The following CRYZ variants were observed in gnomAD, a reference collection of about 807,000 sequenced individuals.
The protein encoded by CRYZ is crystallin zeta.
CRYZ carries 35 observed loss-of-function variants against 34.1 expected under a neutral mutation model. The ratio of observed to expected loss-of-function variants is 1.03; its 90% CI spans 0.78 to 1.36. CRYZ has a LOEUF of 1.36. CRYZ is among the 40% of genes most tolerant of loss of function. CRYZ has a pLI of 0.00. For missense variants in CRYZ, 403 were observed against 391.8 expected (o/e 1.03, Z -0.24); for synonymous variants, 137 against 136.5 (o/e 1.00, Z -0.03).
intron 3 of CRYZ, among the ~76,000 whole-genome samples, chr1:74,722,078 G>C (rs970748943): frequency 2.6e-5 from 4 of 152,140 alleles, no homozygotes; most frequent in South Asian, 2.1e-4. Context: ...AACAAAAAGA[G>C]TGTATGAGAT....
At chr1:74,726,942 A>C (rs768920166) in intron 1 of CRYZ, among the ~76,000 whole-genome samples, 8 of 152,142 alleles carry the variant, frequency 5.3e-5, no homozygotes, top group Non-Finnish European at 1.2e-4. Flanking sequence ...TCTTTGCTAA[A>C]ACACAACAAA....
chr1:74,718,331 C>G (rs1177924467), intron 4 of CRYZ, among the ~76,000 whole-genome samples: 1 of 152,070 alleles, frequency 6.6e-6, no homozygotes, highest in Non-Finnish European at 1.5e-5. Context: ...ATCCTCAAAT[C>G]CATCCTACAC....
chr1:74,717,698 C>T (rs1260701993), intron 4 of CRYZ, among the ~76,000 whole-genome samples: 3 of 152,200 alleles, frequency 2.0e-5, no homozygotes, highest in Non-Finnish European at 4.4e-5. Context: ...CAAGGTCACA[C>T]AACTAGTACT....
chr1:74,715,697 G>T (rs1201408100), intron 4 of CRYZ, among the ~76,000 whole-genome samples: 1 of 152,058 alleles, frequency 6.6e-6, no homozygotes, highest in Non-Finnish European at 1.5e-5. Flanking sequence ...ACCTCCCAAA[G>T]AAATTTTTCA....
chr1:74,705,669 T>C lies in CRYZ; in HGVS notation c.*627A>G, dbSNP rs1646919139. On this transcript the variant is annotated 3_prime_UTR_variant, in exon 9 of 9. Coordinates refer to ENST00000340866, the MANE Select transcript of CRYZ (RefSeq NM_001889.4). ...CGAAGTATTACCTATTTGGAGACTA[T>C]GTATTATATCAAAGATAAAGCTACT... 1 of 152,166 alleles carries C rather than the reference T, an allele frequency of 6.6e-6. No individual in the cohort carries two copies. Among genetic ancestry groups the C allele is most frequent in the African/African-American group, 2.4e-5 (1 of 41,456 alleles). The allele number at this position is 152,166 out of a possible 1,614,324, so 9.4% of individuals were successfully genotyped here.
intron 5 of CRYZ, among the ~76,000 whole-genome samples, chr1:74,712,703 T>C (rs1326729660): frequency 6.6e-6 from 1 of 152,194 alleles, no homozygotes; most frequent in Non-Finnish European, 1.5e-5. Flanking sequence ...ACAATTAATT[T>C]TCTATTTTAA....
chr1:74,708,200 A>G (rs60887187), intron 6 of CRYZ: 7,142 of 152,340 alleles, frequency 0.047, 186 homozygotes, highest in African/African-American at 0.063. Flanking sequence ...GGGAGTGGCA[A>G]GGAGAGGAAG....
chr1:74,711,328 G>A lies in CRYZ; in HGVS notation c.481-1081C>T, dbSNP rs141582673. On this transcript the variant is annotated intron_variant, in intron 5 of 8. Coordinates refer to ENST00000340866, the MANE Select transcript of CRYZ (RefSeq NM_001889.4). ...ATTACATGTGAGGCACAAAGAAAGC[G>A]GTGAGGAAAATGGGAGGAGGAAGAT... is the stretch of plus-strand genomic sequence containing the variant. 3.4e-4 allele frequency among the ~76,000 whole-genome samples: 52 copies of A among 152,278 alleles called. No homozygotes were observed. The East Asian group carries it at 5.4e-3, about 16-fold the overall frequency.
In CRYZ at chr1:74,723,151, T is replaced by A; in HGVS notation, c.231A>T (p.Ile77=). ...CAGATGCATTATCTCCAACAGCTTC[T>A]ATCACCCCAGCCACATCTGAGCCAG... ...YTPGSDVAGV[I]EAVGDNASAF... is the part of the protein sequence containing the mutation. Residue 77 remains isoleucine (I), a synonymous_variant, in exon 3 of 9, where the codon ATA becomes ATT. Transcript: ENST00000340866. The A allele has an allele frequency of 6.2e-7, 1 of 1,613,586 alleles. No individual in the cohort carries two copies. The highest frequency in any genetic ancestry group is 2.2e-5 in the East Asian group (1 of 44,878).
chr1:74,726,477 T>C (rs1269542936), intron 1 of CRYZ, among the ~76,000 whole-genome samples: 1 of 152,188 alleles, frequency 6.6e-6, no homozygotes, highest in East Asian at 1.9e-4. Flanking sequence ...GTCCCTAGGC[T>C]GCACACGGCA....
intron 1 of CRYZ, among the ~76,000 whole-genome samples, chr1:74,728,890 A>C (rs1029495600): frequency 6.6e-6 from 1 of 152,146 alleles, no homozygotes; most frequent in Non-Finnish European, 1.5e-5. Context: ...CGGCATAAAC[A>C]CTGCACTTTA....
At chr1:74,727,650 A>AG (rs1383601165) in intron 1 of CRYZ, among the ~76,000 whole-genome samples, 2 of 147,156 alleles carry the variant, frequency 1.4e-5, no homozygotes, top group African/African-American at 5.1e-5. Context: ...GTCTCAAAAA[A>AG]AAAAAAAAAA....
chr1:74,724,086 A>C (rs277401), intron 2 of CRYZ, among the ~76,000 whole-genome samples: 151,664 of 152,214 alleles, frequency 1, 75,561 homozygotes, highest in East Asian at 1. Context: ...GAAAGGAAGT[A>C]TTAAGGAAAT....
In CRYZ at chr1:74,706,304, G is replaced by A. The variant is rs1446736928; in HGVS notation, c.982C>T (p.Leu328Phe). The A allele has an allele frequency of 1.9e-6, 3 of 1,603,078 alleles. No homozygotes were observed. Among genetic ancestry groups the A allele is most frequent in the Non-Finnish European group, 2.6e-6 (3 of 1,176,220 alleles). The change falls in exon 9 of 9, where the codon CTC (leucine) becomes TTC (phenylalanine). Residue 328 changes from leucine to phenylalanine, a missense_variant. Leu to Phe is a conservative substitution (Grantham distance 22). Transcript: ENST00000340866. Reference protein sequence around the residue: ...GSGATGKMILLL With the variant: ...GSGATGKMILFL Reference sequence around the variant, plus strand: ...CATGAAAGAATTAATCATCATAAGAGAAGAATCATTTTTCCAGTAGCCCCA... The same window carrying A: ...CATGAAAGAATTAATCATCATAAGAAAAGAATCATTTTTCCAGTAGCCCCA...
chr1:74,709,624 T>C (rs1023540642), intron 6 of CRYZ, among the ~76,000 whole-genome samples: 2 of 152,200 alleles, frequency 1.3e-5, no homozygotes, highest in African/African-American at 2.4e-5. Flanking sequence ...ACTAAATAAA[T>C]GCCACCTCAC....
intron 3 of CRYZ, among the ~76,000 whole-genome samples, chr1:74,721,356 T>TC (rs1647160631): frequency 1.3e-5 from 2 of 152,090 alleles, no homozygotes; most frequent in Non-Finnish European, 2.9e-5. Context: ...AAGAATAAAC[T>TC]ACACTGTGAG....
Position 74,710,079 on chromosome 1 carries a change from A to G in CRYZ, c.630+19T>C. ...CAAGGAACAAAGTTTGACTTTTGTA[A>G]AACAGTGGAAAATTTTACCTTAATT... On this transcript the variant is annotated intron_variant, in intron 6 of 8. Transcript: ENST00000340866. 1 of 1,607,848 alleles carries G rather than the reference A, an allele frequency of 6.2e-7. No individual in the cohort carries two copies. Among genetic ancestry groups the G allele is most frequent in the Non-Finnish European group, 8.5e-7 (1 of 1,176,148 alleles).
intron 3 of CRYZ, 138 bp from the exon 4 acceptor site, chr1:74,719,510 T>G: frequency 2.7e-6 from 2 of 751,426 alleles, no homozygotes; most frequent in East Asian, 2.8e-5. Flanking sequence ...ATTTTTTTTT[T>G]TTTGAGACAG....
chr1:74,706,273 G>A lies in CRYZ; in HGVS notation c.*23C>T, dbSNP rs1443766157. On this transcript the variant is annotated 3_prime_UTR_variant, in exon 9 of 9. Coordinates refer to ENST00000340866, the MANE Select transcript of CRYZ (RefSeq NM_001889.4). ...AAAGACAGTACCTCTAATTACATAG[G>A]AAATCCATGAAAGAATTAATCATCA... 2.5e-6 allele frequency: 4 copies of A among 1,574,150 alleles called. No individual in the cohort carries two copies. Among genetic ancestry groups the A allele is most frequent in the Non-Finnish European group, 1.7e-6 (2 of 1,160,266 alleles).
Sources: gnomAD v4.1 joint callset for allele counts (sites outside exome capture counted in the v4.1 genomes callset) on GRCh38, gnomAD v4.1.1 for gene constraint, MANE v1.5 for transcripts, NCBI Gene and HGNC (gene_info 2026-07-23, HGNC 2026-07-21) for gene names.